RGS6: variants seen among roughly 807,000 people sequenced by gnomAD.
RGS6 encodes regulator of G protein signaling 6, also known as regulator of G-protein signaling 6.
In RGS6, 30 loss-of-function variants were observed where a neutral mutation model predicts 78.5. The ratio of observed to expected loss-of-function variants is 0.38; its 90% CI spans 0.29 to 0.52. The LOEUF (loss-of-function observed/expected upper bound fraction) is 0.52. RGS6 is among the 20% of genes least tolerant of loss of function. The pLI is 0.85. For synonymous variants in RGS6, 206 were observed against 206.0 expected, an observed-to-expected ratio of 1.00 and a Z score of 0.00; for missense variants, 495 against 609.7, an observed-to-expected ratio of 0.81 and a Z score of 1.98.
rs1400378664 is a variant in RGS6 at position 72,564,135 on chromosome 14, C to A, written c.*1668C>A. ...CACAGCCCTGTCCCCAGGGCACCAG[C>A]CTTCTGTCCCTCACAGCAGTGCCAT... On this transcript the variant is annotated 3_prime_UTR_variant, in exon 18 of 18. Transcript: ENST00000553525. 6.6e-6 allele frequency: 1 copy of A among 152,324 alleles called. No homozygotes were observed. The highest frequency in any genetic ancestry group is 1.5e-5 in the Non-Finnish European group (1 of 68,084). The allele number at this position is 152,324 out of a possible 1,614,324, so 9.4% of individuals were successfully genotyped here. A position where few individuals can be genotyped will look rare whatever the true frequency, so the allele number is the denominator to read the frequency against.
chr14:72,554,324 C>T (rs1706795273), intron 17 of RGS6, among the ~76,000 whole-genome samples: 2 of 152,212 alleles, frequency 1.3e-5, no homozygotes, highest in Admixed American at 1.3e-4. Flanking sequence ...CTCATAGGTC[C>T]TCAGGAGAAT....
chr14:72,455,152 TG>T (rs5809573), intron 4 of RGS6, among the ~76,000 whole-genome samples: 1 of 151,526 alleles, frequency 6.6e-6, no homozygotes, highest in African/African-American at 2.4e-5. Context: ...AATTAGGAAA[TG>T]GGGGGGGTGT....
At chr14:72,355,521 T>G (rs1291125338) in intron 3 of RGS6, among the ~76,000 whole-genome samples, 2 of 152,188 alleles carry the variant, frequency 1.3e-5, no homozygotes, top group Non-Finnish European at 2.9e-5. Context: ...CATTTAGATA[T>G]TTATTGAGTG....
chr14:71,880,281 C>T, the RGS6 span, among the ~76,000 whole-genome samples: 1 of 152,166 alleles, frequency 6.6e-6, no homozygotes, highest in African/African-American at 2.4e-5. Context: ...TGCAGCCTGA[C>T]AATGCTGTAG....
chr14:72,329,926 C>T (rs1035009718), intron 2 of RGS6, among the ~76,000 whole-genome samples: 8 of 152,204 alleles, frequency 5.3e-5, no homozygotes, highest in Non-Finnish European at 8.8e-5. Flanking sequence ...CTTCTCTACT[C>T]AGTGAATTCT....
chr14:72,040,571 A>G (rs1036895623), intron 2 of RGS6, among the ~76,000 whole-genome samples: 1 of 152,014 alleles, frequency 6.6e-6, no homozygotes, highest in African/African-American at 2.4e-5. Flanking sequence ...TGACAGTTTG[A>G]TTATAATGTG....
At chr14:72,334,455 C>A (rs968656904) in intron 2 of RGS6, among the ~76,000 whole-genome samples, 70 of 152,226 alleles carry the variant, frequency 4.6e-4, no homozygotes, top group African/African-American at 1.7e-3. Context: ...CCCCTCATTT[C>A]TTCACCCCTC....
intron 3 of RGS6, among the ~76,000 whole-genome samples, chr14:72,446,744 G>A (rs1028433087): frequency 1.3e-5 from 2 of 152,192 alleles, no homozygotes; most frequent in African/African-American, 2.4e-5. Flanking sequence ...AGTCGCACCT[G>A]GGGGGTGATG....
intron 2 of RGS6, among the ~76,000 whole-genome samples, chr14:72,177,576 T>TTTA (rs1364536078): frequency 6.6e-6 from 1 of 152,102 alleles, no homozygotes; most frequent in African/African-American, 2.4e-5. Flanking sequence ...GGCAGAGAGG[T>TTTA]AGATTTAAGT....
chr14:72,156,008 G>A (rs1215871996), intron 2 of RGS6, among the ~76,000 whole-genome samples: 1 of 152,168 alleles, frequency 6.6e-6, no homozygotes, highest in Non-Finnish European at 1.5e-5. Context: ...CTGACACTTG[G>A]GTTCCGCTCT....
intron 2 of RGS6, among the ~76,000 whole-genome samples, chr14:72,151,592 T>C (rs1361376836): frequency 3.3e-5 from 5 of 152,124 alleles, no homozygotes; most frequent in Admixed American, 1.3e-4. Context: ...GCTGTGTGCT[T>C]GGGCGCCATT....
At chr14:72,526,116 T>C (rs1234452443) in intron 15 of RGS6, among the ~76,000 whole-genome samples, 4 of 152,016 alleles carry the variant, frequency 2.6e-5, no homozygotes, top group Non-Finnish European at 4.4e-5. Context: ...TCTTTTTTTT[T>C]TTTTTGAGAA....
At chr14:72,066,289 A>T (rs2094141057) in intron 2 of RGS6, among the ~76,000 whole-genome samples, 1 of 152,066 alleles carries the variant, frequency 6.6e-6, no homozygotes, top group African/African-American at 2.4e-5. Context: ...AAAGGTAGGT[A>T]ACAGTTTGGA....
intron 2 of RGS6, among the ~76,000 whole-genome samples, chr14:72,111,965 G>A (rs887187962): frequency 2.0e-5 from 3 of 152,138 alleles, no homozygotes; most frequent in East Asian, 1.9e-4. Context: ...CCAATTTATC[G>A]GTTTTACTTT....
At chr14:72,310,285 G>T (rs1019819265) in intron 2 of RGS6, among the ~76,000 whole-genome samples, 1 of 152,210 alleles carries the variant, frequency 6.6e-6, no homozygotes, top group Admixed American at 6.5e-5. Flanking sequence ...GGCGTCAGCC[G>T]CTGGTCTTGA....
At chr14:72,415,443 C>T (rs1234979811) in intron 3 of RGS6, among the ~76,000 whole-genome samples, 1 of 152,260 alleles carries the variant, frequency 6.6e-6, no homozygotes, top group African/African-American at 2.4e-5. Context: ...TCTGTCACCC[C>T]TTTCTTTGAC....
At chr14:72,334,116 GCATAT>G (rs1282651867) in intron 2 of RGS6, among the ~76,000 whole-genome samples, 5 of 152,204 alleles carry the variant, frequency 3.3e-5, no homozygotes, top group African/African-American at 9.6e-5. Context: ...TCTGAAGCCA[GCATAT>G]AATTGCTGTC....
intron 13 of RGS6, among the ~76,000 whole-genome samples, chr14:72,497,807 C>T (rs2096664826): frequency 2.6e-5 from 4 of 152,032 alleles, no homozygotes; most frequent in Non-Finnish European, 2.9e-5. Context: ...AAGAACTTAA[C>T]TCTTTCTTTA....
At chr14:72,558,697 G>C (rs2097623474) in intron 17 of RGS6, among the ~76,000 whole-genome samples, 2 of 152,096 alleles carry the variant, frequency 1.3e-5, no homozygotes, top group Non-Finnish European at 2.9e-5. Flanking sequence ...TGAATGTGTG[G>C]GTGTTAGTGA....
Sources: gnomAD v4.1 joint callset for allele counts (sites outside exome capture counted in the v4.1 genomes callset) on GRCh38, gnomAD v4.1.1 for gene constraint, MANE v1.5 for transcripts, NCBI Gene and HGNC (gene_info 2026-07-23, HGNC 2026-07-21) for gene names.